The following ARHGAP26 variants were observed in gnomAD, a reference collection of about 807,000 sequenced individuals.
ARHGAP26 encodes the protein Rho GTPase activating protein 26.
Under a neutral mutation model 104.8 loss-of-function variants are expected in ARHGAP26, and 38 were observed. That is an observed-to-expected ratio of 0.36 (90% CI 0.28 to 0.48). ARHGAP26 has a LOEUF of 0.48. Ranked by LOEUF, ARHGAP26 falls within the 20% of genes least tolerant of loss-of-function variation. ARHGAP26 has a pLI of 0.99. For missense variants in ARHGAP26, 704 were observed against 947.9 expected (o/e 0.74, Z 3.38); for synonymous variants, 341 against 340.0 (o/e 1.00, Z -0.03).
At chr5:142,976,766 A>G (rs1003403711) in intron 11 of ARHGAP26, among the ~76,000 whole-genome samples, 5 of 152,256 alleles carry the variant, frequency 3.3e-5, no homozygotes, top group Non-Finnish European at 7.3e-5. Flanking sequence ...AAAAGCGAGC[A>G]TATCAACTTA....
chr5:142,900,726 T>A (rs1196031812), intron 6 of ARHGAP26, among the ~76,000 whole-genome samples: 2 of 150,590 alleles, frequency 1.3e-5, no homozygotes, highest in Non-Finnish European at 3.0e-5. Context: ...GTAAAGTAAA[T>A]TTTTTTTTTA....
In ARHGAP26 at chr5:142,871,858, G is replaced by A. The variant is rs529740333; in HGVS notation, c.155-1542G>A. 1.5e-4 allele frequency among the ~76,000 whole-genome samples: 23 copies of A among 152,322 alleles called. No individual in the cohort carries two copies. The highest frequency in any genetic ancestry group is 4.3e-4 in the African/African-American group (18 of 41,570). ...AAAGTGACTGAACGAGGGAGAGATC[G>A]GAGACTGTTGGCTCCTGTGTTCCCC... is the stretch of plus-strand genomic sequence containing the variant. On this transcript the variant is annotated intron_variant, in intron 1 of 22. Coordinates refer to ENST00000645722, the MANE Select transcript of ARHGAP26 (RefSeq NM_001135608.3). This position sits in a 1 kb window ranked among gnomAD's most constrained non-coding sequence, Gnocchi z 4.1.
At chr5:142,980,614 C>T (rs902956930) in intron 11 of ARHGAP26, among the ~76,000 whole-genome samples, 3 of 152,050 alleles carry the variant, frequency 2.0e-5, no homozygotes, top group Non-Finnish European at 4.4e-5. Context: ...GTCTCGAACT[C>T]CTGACCTCAG....
intron 11 of ARHGAP26, among the ~76,000 whole-genome samples, chr5:142,967,918 A>G (rs545133898): frequency 2.7e-4 from 41 of 152,322 alleles, no homozygotes; most frequent in Middle Eastern, 6.8e-3. Flanking sequence ...AAGCTTCTGG[A>G]GAGGTGGTCC....
At chr5:142,990,625 G>A (rs1775444826) in intron 11 of ARHGAP26, among the ~76,000 whole-genome samples, 1 of 152,180 alleles carries the variant, frequency 6.6e-6, no homozygotes, top group Non-Finnish European at 1.5e-5. Flanking sequence ...TGATGGTGAC[G>A]TACAGATGGG....
At chr5:143,124,307 C>A (rs948664017) in intron 18 of ARHGAP26, among the ~76,000 whole-genome samples, 1 of 152,212 alleles carries the variant, frequency 6.6e-6, no homozygotes, top group Non-Finnish European at 1.5e-5. Flanking sequence ...TGGAGCCACT[C>A]CATTGACGGA....
At position 143,081,569 on chromosome 5, in the gene ARHGAP26, T is replaced by C. The variant is rs113355545; in HGVS notation, c.1538+23822T>C. 7.1e-3 allele frequency among the ~76,000 whole-genome samples: 1,080 copies of C among 152,176 alleles called. 13 individuals carry two copies. The highest frequency in any genetic ancestry group is 0.025 in the African/African-American group (1,033 of 41,530). On this transcript the variant is annotated intron_variant, in intron 17 of 22. Transcript: ENST00000645722. The stretch of plus-strand genomic sequence containing the variant: ...TACCAGCTGGGGGACCTCCAGAAAA[T>C]TACCTACCATCCGAAGACGGTGAAA...
chr5:143,099,818 T>C (rs1792952594), intron 17 of ARHGAP26, among the ~76,000 whole-genome samples: 1 of 152,160 alleles, frequency 6.6e-6, no homozygotes, highest in Admixed American at 6.5e-5. Flanking sequence ...AAAAATTCCA[T>C]TGAGACCATA....
chr5:143,117,044 C>T (rs551941682), intron 17 of ARHGAP26, among the ~76,000 whole-genome samples: 1 of 152,330 alleles, frequency 6.6e-6, no homozygotes, highest in Non-Finnish European at 1.5e-5. Context: ...TTTCAAAAGA[C>T]GCCACAGCAG....
chr5:142,957,899 A>G (rs933831861), intron 11 of ARHGAP26, among the ~76,000 whole-genome samples: 1 of 152,234 alleles, frequency 6.6e-6, no homozygotes, highest in East Asian at 1.9e-4. Flanking sequence ...CAGGTTCTCA[A>G]TCTGCAAACG....
At chr5:142,841,366 C>T (rs1335129277) in intron 1 of ARHGAP26, among the ~76,000 whole-genome samples, 4 of 152,196 alleles carry the variant, frequency 2.6e-5, no homozygotes, top group Admixed American at 2.0e-4. Context: ...CTAAGCCCAA[C>T]ACCTAGACTG....
At chr5:142,960,001 A>C (rs2152655435) in intron 11 of ARHGAP26, among the ~76,000 whole-genome samples, 1 of 152,360 alleles carries the variant, frequency 6.6e-6, no homozygotes, top group African/African-American at 2.4e-5. Flanking sequence ...CAGTAATAGA[A>C]ATGGCCTCTA....
chr5:143,117,184 G>A (rs1016577346), intron 17 of ARHGAP26, among the ~76,000 whole-genome samples: 1 of 152,192 alleles, frequency 6.6e-6, no homozygotes, highest in East Asian at 1.9e-4. Flanking sequence ...TGAGCCATGT[G>A]AGGAGGAACT....
chr5:142,978,364 T>A (rs187396), intron 11 of ARHGAP26, among the ~76,000 whole-genome samples: 150,822 of 152,342 alleles, frequency 0.99, 74,666 homozygotes, highest in East Asian at 1. Context: ...ATCTTTGGAG[T>A]GAGGGGCTCT....
intron 20 of ARHGAP26, among the ~76,000 whole-genome samples, chr5:143,180,229 G>A (rs1056355500): frequency 1.3e-5 from 2 of 152,090 alleles, no homozygotes; most frequent in African/African-American, 2.4e-5. Flanking sequence ...GGGTTCAAGC[G>A]ATTCCCCTGC....
At chr5:143,043,518 T>C (rs1375755482) in intron 14 of ARHGAP26, among the ~76,000 whole-genome samples, 1 of 152,184 alleles carries the variant, frequency 6.6e-6, no homozygotes, top group Non-Finnish European at 1.5e-5. Flanking sequence ...TCATATATAG[T>C]TTCTGTGTGA....
At chr5:142,943,069 C>T (rs948020943) in intron 11 of ARHGAP26, among the ~76,000 whole-genome samples, 4 of 152,174 alleles carry the variant, frequency 2.6e-5, no homozygotes, top group East Asian at 1.9e-4. Flanking sequence ...GCGTGAGCCA[C>T]TGCACCTGTC....
intron 12 of ARHGAP26, 72 bp downstream of exon 12, chr5:143,014,188 T>C: frequency 6.4e-7 from 1 of 1,557,816 alleles, no homozygotes; most frequent in Non-Finnish European, 8.9e-7. Flanking sequence ...CTACTCCAGG[T>C]GTGAACCACC....
At chr5:143,045,731 C>T (rs1784125455) in intron 14 of ARHGAP26, among the ~76,000 whole-genome samples, 1 of 152,178 alleles carries the variant, frequency 6.6e-6, no homozygotes, top group East Asian at 1.9e-4. Flanking sequence ...GGTGCGGTGG[C>T]TCATGCCTAT....
Sources: allele counts gnomAD v4.1 joint callset (sites outside exome capture counted in the v4.1 genomes callset), GRCh38; gene constraint gnomAD v4.1.1; non-coding constraint Gnocchi (gnomAD v3.1); transcripts MANE v1.5; gene names NCBI Gene and HGNC (gene_info 2026-07-23, HGNC 2026-07-21).